SFMBT1: variants seen among roughly 807,000 people sequenced by gnomAD.
SFMBT1 encodes the protein scm-like with four MBT domains protein 1.
Under a neutral mutation model 108.7 loss-of-function variants are expected in SFMBT1, and 32 were observed. The observed-to-expected ratio is 0.29, with a 90% confidence interval of 0.22 to 0.40. The LOEUF is 0.40. Among genes scored for constraint, SFMBT1 ranks in the 10% least tolerant of loss-of-function variants. SFMBT1 has a pLI of 1.00. For missense variants in SFMBT1, 816 were observed against 1,059.6 expected, an observed-to-expected ratio of 0.77 and a Z score of 3.19; for synonymous variants, 348 against 369.5, an observed-to-expected ratio of 0.94 and a Z score of 0.67.
chr3:52,961,333 G>A (rs2106844859), intron 2 of SFMBT1, among the ~76,000 whole-genome samples: 1 of 152,272 alleles, frequency 6.6e-6, no homozygotes, highest in South Asian at 2.1e-4. Flanking sequence ...TTTCCATTTG[G>A]AAAGATAAGG....
chr3:53,005,126 C>T lies in SFMBT1; in HGVS notation c.-130-35868G>A, dbSNP rs553653873. 3.9e-5 allele frequency among the ~76,000 whole-genome samples: 6 copies of T among 152,142 alleles called. No homozygotes were observed. The South Asian group carries it at 1.2e-3, about 32-fold the overall frequency. The stretch of plus-strand genomic sequence containing the variant: ...TCTTATCAAACAGCAAAAACTTATT[C>T]GAGATTACATAAAAATGGGAAATAT... On this transcript the variant is annotated intron_variant, in intron 1 of 20. Transcript: ENST00000394752.
At chr3:53,019,864 T>C (rs73839653) in intron 1 of SFMBT1, among the ~76,000 whole-genome samples, 2,068 of 152,266 alleles carry the variant, frequency 0.014, 55 homozygotes, top group African/African-American at 0.048. Context: ...CAAAACTCCT[T>C]ACTGGGATAT....
At chr3:52,923,655 G>A (rs1043438932) in intron 10 of SFMBT1, among the ~76,000 whole-genome samples, 1 of 151,450 alleles carries the variant, frequency 6.6e-6, no homozygotes, top group South Asian at 2.1e-4. Flanking sequence ...CAAAAGGAAG[G>A]CCGAAAGACA....
intron 1 of SFMBT1, among the ~76,000 whole-genome samples, chr3:52,969,941 A>C (rs2106860680): frequency 6.6e-6 from 1 of 152,196 alleles, no homozygotes; most frequent in African/African-American, 2.4e-5. Flanking sequence ...CACCTGTACT[A>C]AAAATACAAA....
chr3:53,016,763 T>G (rs1699140583), intron 1 of SFMBT1, among the ~76,000 whole-genome samples: 1 of 152,254 alleles, frequency 6.6e-6, no homozygotes, highest in Non-Finnish European at 1.5e-5. Flanking sequence ...TGTCGTCTGT[T>G]GATAATGGTT....
Position 53,036,991 on chromosome 3 carries a change from A to G in SFMBT1, c.-131+8825T>C, listed in dbSNP as rs144271911. On this transcript the variant is annotated intron_variant, in intron 1 of 20. Transcript: ENST00000394752. ...AATGAAGGTCACAATGAGATAAAAG[A>G]CGAGGCATAGGGAGAACAGGGAATC... 0.013 allele frequency among the ~76,000 whole-genome samples: 1,906 copies of G among 152,330 alleles called. 129 individuals carry two copies. In the South Asian group the frequency reaches 0.18, roughly 15 times the overall value.
Position 52,934,795 on chromosome 3 carries a change from G to T in SFMBT1, c.453+18C>A. On this transcript the variant is annotated intron_variant, in intron 5 of 20. Transcript: ENST00000394752. ...CAGATGGGTTTTCCATGCTGATGTG[G>T]CATGTAGTAATACTCACGCCCTCTA... 6.3e-7 allele frequency: 1 copy of T among 1,598,008 alleles called. No individual in the cohort carries two copies.
chr3:52,917,411 GA>G (rs990775164), intron 13 of SFMBT1, among the ~76,000 whole-genome samples: 14 of 152,002 alleles, frequency 9.2e-5, no homozygotes, highest in Non-Finnish European at 1.8e-4. Context: ...GCCGGGGAGA[GA>G]AAGATTTTTC....
chr3:52,999,891 C>T (rs573200686), intron 1 of SFMBT1, among the ~76,000 whole-genome samples: 4 of 149,990 alleles, frequency 2.7e-5, no homozygotes, highest in Non-Finnish European at 6.0e-5. Flanking sequence ...CAGAGTATCG[C>T]TCTGTCGCCC....
At chr3:52,979,781 G>A (rs975205458) in intron 1 of SFMBT1, among the ~76,000 whole-genome samples, 5 of 152,148 alleles carry the variant, frequency 3.3e-5, no homozygotes, top group African/African-American at 1.2e-4. Context: ...TATTTACTGA[G>A]CACTTATTAT....
intron 7 of SFMBT1, among the ~76,000 whole-genome samples, chr3:52,930,690 CA>C (rs1318046130): frequency 6.6e-6 from 1 of 152,272 alleles, no homozygotes; most frequent in East Asian, 1.9e-4. Flanking sequence ...TTTATTTTAT[CA>C]GTTAAGACTA....
chr3:52,976,741 C>T (rs542458640), intron 1 of SFMBT1, among the ~76,000 whole-genome samples: 30 of 152,122 alleles, frequency 2.0e-4, no homozygotes, highest in Non-Finnish European at 3.4e-4. Flanking sequence ...ATAATAACAG[C>T]ACCTATTAGA....
intron 1 of SFMBT1, among the ~76,000 whole-genome samples, chr3:52,990,482 G>C (rs934857130): frequency 6.6e-6 from 1 of 152,092 alleles, no homozygotes; most frequent in African/African-American, 2.4e-5. Flanking sequence ...AAAGTCTTAA[G>C]TTTACTTCAA....
At chr3:53,001,952 C>T (rs1477251854) in intron 1 of SFMBT1, among the ~76,000 whole-genome samples, 1 of 147,998 alleles carries the variant, frequency 6.8e-6, no homozygotes, top group African/African-American at 2.5e-5. Flanking sequence ...CACACACACA[C>T]ACACACACAC....
intron 17 of SFMBT1, 44 bp downstream of exon 17, chr3:52,910,959 A>G: frequency 2.5e-6 from 4 of 1,591,652 alleles, no homozygotes; most frequent in Non-Finnish European, 3.4e-6. Context: ...GATGTAAGGT[A>G]TGGTCAGCTG....
At chr3:53,032,988 G>C (rs983246499) in intron 1 of SFMBT1, among the ~76,000 whole-genome samples, 1 of 152,156 alleles carries the variant, frequency 6.6e-6, no homozygotes. Flanking sequence ...AAGAAAATTT[G>C]GGGCCTACCA....
chr3:53,029,171 CAAAAAAAAAAAAA>C (rs60211879), intron 1 of SFMBT1, among the ~76,000 whole-genome samples: 1 of 49,108 alleles, frequency 2.0e-5, no homozygotes, highest in Non-Finnish European at 4.4e-5. Context: ...GACTCCGTCT[CAAAAAAAAAAAAA>C]AAAAAAAAAA....
At position 53,000,006 on chromosome 3, in the gene SFMBT1, G is replaced by C. The variant is rs973006797; in HGVS notation, c.-130-30748C>G. ...CATGAGTAGTTGGGACTACAGGCAT[G>C]TGCCACCACATCAGCCCGGCTAATT... is the stretch of plus-strand genomic sequence containing the variant. On this transcript the variant is annotated intron_variant, in intron 1 of 20. Coordinates refer to ENST00000394752, the MANE Select transcript of SFMBT1 (RefSeq NM_016329.4). 6.0e-5 allele frequency among the ~76,000 whole-genome samples: 9 copies of C among 150,068 alleles called. 1 individual carries two copies. Among genetic ancestry groups the C allele is most frequent in the Non-Finnish European group, 9.0e-5 (6 of 66,982 alleles).
intron 2 of SFMBT1, among the ~76,000 whole-genome samples, chr3:52,956,670 A>C (rs2106837490): frequency 6.6e-6 from 1 of 152,282 alleles, no homozygotes; most frequent in South Asian, 2.1e-4. Context: ...CTGAGAGAGA[A>C]GAATCACTTG....
Sources: allele counts gnomAD v4.1 joint callset (sites outside exome capture counted in the v4.1 genomes callset), GRCh38; gene constraint gnomAD v4.1.1; transcripts MANE v1.5; gene names NCBI Gene and HGNC (gene_info 2026-07-23, HGNC 2026-07-21).